Variants in STK39 observed in about 807,000 individuals in gnomAD.
The protein encoded by STK39 is STE20/SPS1-related proline-alanine-rich protein kinase.
Under a neutral mutation model 77.8 loss-of-function variants are expected in STK39, and 20 were observed. That is an observed-to-expected ratio of 0.26 (90% CI 0.18 to 0.37). STK39 has a LOEUF of 0.37. Ranked by LOEUF, STK39 falls within the 10% of genes least tolerant of loss-of-function variation. STK39 has a pLI of 1.00. For synonymous variants in STK39, 246 were observed against 234.1 expected, an observed-to-expected ratio of 1.05 and a Z score of -0.47; for missense variants, 479 against 656.5, an observed-to-expected ratio of 0.73 and a Z score of 2.95.
intron 16 of STK39, among the ~76,000 whole-genome samples, chr2:167,968,024 A>G (rs1692208152): frequency 6.6e-6 from 1 of 151,028 alleles, no homozygotes; most frequent in African/African-American, 2.4e-5. Flanking sequence ...AGCTCTCACA[A>G]GTGAGAACAT....
chr2:168,090,001 A>C lies in STK39; in HGVS notation c.1090-14770T>G, dbSNP rs188421795. On this transcript the variant is annotated intron_variant, in intron 10 of 17. Transcript: ENST00000355999. ...ACTGCCATTAAGTTTTTGAATGCAT[A>C]GTAATGTAAAGATATGAGTTCATGT... is the stretch of plus-strand genomic sequence containing the variant. 2.4e-3 allele frequency among the ~76,000 whole-genome samples: 364 copies of C among 152,362 alleles called. 1 individual carries two copies. The highest frequency in any genetic ancestry group is 6.8e-3 in the Middle Eastern group (2 of 294).
chr2:168,024,366 G>C (rs1465687397), intron 14 of STK39, among the ~76,000 whole-genome samples: 1 of 152,164 alleles, frequency 6.6e-6, no homozygotes, highest in East Asian at 1.9e-4. Context: ...AGCTGCTATG[G>C]TTTGAATGTC....
intron 16 of STK39, among the ~76,000 whole-genome samples, chr2:167,987,711 G>A (rs1356400595): frequency 2.0e-5 from 3 of 152,072 alleles, no homozygotes; most frequent in Non-Finnish European, 2.9e-5. Context: ...AAGGAATAGC[G>A]AAACCTCCAA....
At chr2:168,102,709 T>C (rs1305700847) in intron 10 of STK39, among the ~76,000 whole-genome samples, 2 of 151,760 alleles carry the variant, frequency 1.3e-5, no homozygotes, top group East Asian at 1.9e-4. Flanking sequence ...GCGGGCAGAT[T>C]ATGAGGTAAG....
intron 14 of STK39, among the ~76,000 whole-genome samples, chr2:168,059,614 G>A (rs1016565344): frequency 1.2e-4 from 19 of 152,090 alleles, no homozygotes; most frequent in South Asian, 6.2e-4. Context: ...CATGAGTTCC[G>A]ATGAGCATGC....
At chr2:167,977,957 G>A (rs1683323931) in intron 16 of STK39, among the ~76,000 whole-genome samples, 1 of 152,196 alleles carries the variant, frequency 6.6e-6, no homozygotes, top group African/African-American at 2.4e-5. Flanking sequence ...TTGGGAAGTG[G>A]GGAGTGCTGA....
intron 16 of STK39, among the ~76,000 whole-genome samples, chr2:168,011,438 A>G (rs1024083017): frequency 1.3e-5 from 2 of 152,182 alleles, no homozygotes; most frequent in African/African-American, 4.8e-5. Context: ...TATTAGAGTT[A>G]ATATAATTAA....
intron 2 of STK39, among the ~76,000 whole-genome samples, chr2:168,170,111 A>G (rs1487674383): frequency 6.6e-6 from 1 of 152,234 alleles, no homozygotes; most frequent in African/African-American, 2.4e-5. Flanking sequence ...CAGGATAAGT[A>G]ATATTTCCAC....
At chr2:168,178,663 T>A (rs1689010234) in intron 2 of STK39, among the ~76,000 whole-genome samples, 1 of 152,246 alleles carries the variant, frequency 6.6e-6, no homozygotes, top group Admixed American at 6.5e-5. Flanking sequence ...TAAATCTGAA[T>A]CATCAATTAT....
intron 1 of STK39, among the ~76,000 whole-genome samples, chr2:168,214,552 G>A (rs1358052237): frequency 2.6e-5 from 4 of 152,146 alleles, no homozygotes; most frequent in Admixed American, 6.5e-5. Flanking sequence ...ACTAGACAGA[G>A]GTGATGGTTA....
At chr2:168,244,353 G>A (rs1175053437) in intron 1 of STK39, among the ~76,000 whole-genome samples, 2 of 152,208 alleles carry the variant, frequency 1.3e-5, no homozygotes, top group Non-Finnish European at 2.9e-5. Flanking sequence ...CTGCCCAGAA[G>A]GAAATGAAGA....
intron 5 of STK39, among the ~76,000 whole-genome samples, chr2:168,151,353 T>C (rs1179871436): frequency 2.0e-5 from 3 of 152,218 alleles, no homozygotes; most frequent in Non-Finnish European, 4.4e-5. Flanking sequence ...TGTAGACTCT[T>C]GACATTGCCA....
At chr2:168,098,242 T>C (rs1686725766) in intron 10 of STK39, among the ~76,000 whole-genome samples, 1 of 152,228 alleles carries the variant, frequency 6.6e-6, no homozygotes, top group Non-Finnish European at 1.5e-5. Flanking sequence ...ATCTGTTGCA[T>C]GGGAAGGGGG....
chr2:168,014,344 C>A (rs1226272319), intron 15 of STK39, among the ~76,000 whole-genome samples: 1 of 151,974 alleles, frequency 6.6e-6, no homozygotes, highest in Non-Finnish European at 1.5e-5. Context: ...ATTAGCTGGG[C>A]CTGGTGGCAT....
intron 16 of STK39, among the ~76,000 whole-genome samples, chr2:167,971,878 C>G (rs145607636): frequency 1.3e-5 from 2 of 152,280 alleles, no homozygotes; most frequent in East Asian, 3.9e-4. Flanking sequence ...CAGGGCCCCA[C>G]CAGGGGCAAG....
intron 1 of STK39, among the ~76,000 whole-genome samples, chr2:168,215,743 G>A (rs969767344): frequency 6.6e-6 from 1 of 152,172 alleles, no homozygotes; most frequent in Non-Finnish European, 1.5e-5. Flanking sequence ...TCAGACAAGA[G>A]GAAAGGGGGA....
Position 168,129,732 on chromosome 2 carries a change from CA to C in STK39, c.1000del (p.Cys334AlafsTer13). On this transcript the variant is annotated frameshift_variant, in exon 9 of 18. Coordinates refer to ENST00000355999, the MANE Select transcript of STK39 (RefSeq NM_013233.3). LOFTEE classifies it high-confidence loss of function. ...TACCTTGGCTTTCTGGAAGAATTTG[CA>C]TTTTAAAAGTTCTGCTGCTGTGGGC... is the stretch of plus-strand genomic sequence containing the variant. ...KRPTAAELLK[C>X]KFFQKAKNRE... The C allele has an allele frequency of 6.2e-7, 1 of 1,613,992 alleles. No individual in the cohort carries two copies. The highest frequency in any genetic ancestry group is 8.5e-7 in the Non-Finnish European group (1 of 1,179,926).
At chr2:168,017,150 A>G in intron 14 of STK39, 55 bp from the exon 15 acceptor site, 1 of 1,263,346 alleles carries the variant, frequency 7.9e-7, no homozygotes, top group Non-Finnish European at 1.1e-6. Context: ...GTTTAGTCGA[A>G]CTACATGTAT....
At chr2:167,982,915 T>G (rs1205758416) in intron 16 of STK39, among the ~76,000 whole-genome samples, 1 of 152,168 alleles carries the variant, frequency 6.6e-6, no homozygotes, top group African/African-American at 2.4e-5. Flanking sequence ...TTAGATGCTT[T>G]AAAAATTCTT....
Sources: allele counts gnomAD v4.1 joint callset (sites outside exome capture counted in the v4.1 genomes callset), GRCh38; gene constraint gnomAD v4.1.1; transcripts MANE v1.5; gene names NCBI Gene and HGNC (gene_info 2026-07-23, HGNC 2026-07-21).